Variants in PRKCB observed in about 807,000 individuals in gnomAD.
The protein encoded by PRKCB is protein kinase C beta, also known as protein kinase C beta type.
PRKCB carries 13 observed loss-of-function variants against 81.5 expected under a neutral mutation model. That is an observed-to-expected ratio of 0.16 (90% CI 0.10 to 0.25). The LOEUF (loss-of-function observed/expected upper bound fraction) is 0.25. Among genes scored for constraint, PRKCB ranks in the 10% least tolerant of loss-of-function variants. The probability of loss-of-function intolerance (pLI) is 1.00; values close to 1 mark genes in which losing one functional copy is unlikely to be tolerated. For synonymous variants in PRKCB, 335 were observed against 321.4 expected (o/e 1.04, Z -0.45); for missense variants, 509 against 875.7 (o/e 0.58, Z 5.29).
chr16:24,201,048 C>A (rs1243666072), intron 16 of PRKCB, among the ~76,000 whole-genome samples: 1 of 152,124 alleles, frequency 6.6e-6, no homozygotes, highest in East Asian at 1.9e-4. Flanking sequence ...TTACCACCTA[C>A]CGGCACCTCC....
chr16:24,007,995 G>T (rs1965149635), intron 3 of PRKCB, among the ~76,000 whole-genome samples: 1 of 137,114 alleles, frequency 7.3e-6, no homozygotes, highest in African/African-American at 2.9e-5. Flanking sequence ...GGATGTCTTG[G>T]TATTCTTTTT....
intron 2 of PRKCB, among the ~76,000 whole-genome samples, chr16:23,958,842 G>C (rs1272085431): frequency 6.6e-6 from 1 of 151,168 alleles, no homozygotes; most frequent in African/African-American, 2.4e-5. Context: ...CTAGTACCAG[G>C]ATCTAGAGGA....
chr16:24,093,889 C>A (rs903465478), intron 6 of PRKCB, among the ~76,000 whole-genome samples: 1 of 152,158 alleles, frequency 6.6e-6, no homozygotes, highest in Non-Finnish European at 1.5e-5. Flanking sequence ...TCCTGAATAT[C>A]CTGAACCCTA....
At chr16:24,006,747 C>G (rs2879908) in intron 3 of PRKCB, among the ~76,000 whole-genome samples, 8 of 148,808 alleles carry the variant, frequency 5.4e-5, no homozygotes, top group African/African-American at 7.5e-5. Flanking sequence ...ACTCTTGGGT[C>G]GGGCTTTTAA....
intron 8 of PRKCB, among the ~76,000 whole-genome samples, chr16:24,121,214 C>T (rs571849439): frequency 1.3e-5 from 2 of 152,342 alleles, no homozygotes; most frequent in African/African-American, 4.8e-5. Flanking sequence ...AGTTTATCTA[C>T]TTCAGCAACC....
At chr16:24,098,073 A>G (rs982988311) in intron 7 of PRKCB, among the ~76,000 whole-genome samples, 3 of 152,202 alleles carry the variant, frequency 2.0e-5, no homozygotes, top group African/African-American at 4.8e-5. Flanking sequence ...GGCCTGAAAC[A>G]GTTTTTCAGG....
chr16:23,883,748 C>T (rs747536978), intron 2 of PRKCB, among the ~76,000 whole-genome samples: 16 of 152,156 alleles, frequency 1.1e-4, no homozygotes, highest in Non-Finnish European at 2.2e-4. Flanking sequence ...AGCAAATGCA[C>T]AGCTGGGCAC....
At chr16:23,848,069 G>C (rs1962409017) in intron 2 of PRKCB, among the ~76,000 whole-genome samples, 1 of 152,174 alleles carries the variant, frequency 6.6e-6, no homozygotes. Context: ...ACGCAGTTGA[G>C]ATAGTGAGGA....
chr16:24,047,532 C>T (rs1965783512), intron 5 of PRKCB, among the ~76,000 whole-genome samples: 1 of 149,938 alleles, frequency 6.7e-6, no homozygotes, highest in East Asian at 1.9e-4. Context: ...CCCTGTCTCT[C>T]CTTCTAAAAA....
At chr16:23,964,078 G>T (rs1257963378) in intron 2 of PRKCB, among the ~76,000 whole-genome samples, 2 of 152,200 alleles carry the variant, frequency 1.3e-5, no homozygotes, top group African/African-American at 4.8e-5. Flanking sequence ...CAATAGGGTA[G>T]CCACTAGCCA....
chr16:23,979,992 A>G (rs1037215031), intron 2 of PRKCB, among the ~76,000 whole-genome samples: 1 of 152,198 alleles, frequency 6.6e-6, no homozygotes, highest in African/African-American at 2.4e-5. Flanking sequence ...GGCTGAGGCC[A>G]GAGGATCACT....
At chr16:23,964,742 C>G (rs941637751) in intron 2 of PRKCB, among the ~76,000 whole-genome samples, 2 of 150,666 alleles carry the variant, frequency 1.3e-5, no homozygotes, top group African/African-American at 4.9e-5. Flanking sequence ...GATCTCAGCT[C>G]ACTGCAGCCT....
At chr16:23,873,569 C>G (rs1456240420) in intron 2 of PRKCB, among the ~76,000 whole-genome samples, 1 of 152,162 alleles carries the variant, frequency 6.6e-6, no homozygotes, top group Non-Finnish European at 1.5e-5. Context: ...CAACCATGTG[C>G]TTTCTGGCCA....
chr16:23,901,040 G>T (rs1963464783), intron 2 of PRKCB, among the ~76,000 whole-genome samples: 1 of 151,988 alleles, frequency 6.6e-6, no homozygotes, highest in Admixed American at 6.5e-5. Flanking sequence ...ATCCTGAGCT[G>T]ATAGGGTCAC....
At chr16:23,953,120 A>G (rs1449705108) in intron 2 of PRKCB, among the ~76,000 whole-genome samples, 2 of 152,112 alleles carry the variant, frequency 1.3e-5, no homozygotes, top group East Asian at 1.9e-4. Context: ...ACGGAGACAC[A>G]GAGTGTTTGA....
chr16:23,859,621 T>C (rs2141089113), intron 2 of PRKCB, among the ~76,000 whole-genome samples: 1 of 152,094 alleles, frequency 6.6e-6, no homozygotes. Flanking sequence ...AGTTCTCAGT[T>C]GGGTTTTGAG....
chr16:24,064,125 T>G (rs911042291), intron 5 of PRKCB, among the ~76,000 whole-genome samples: 1 of 151,876 alleles, frequency 6.6e-6, no homozygotes, highest in Non-Finnish European at 1.5e-5. Context: ...TACCTGGCAG[T>G]TGGGGAGGAG....
At position 24,193,209 on chromosome 16, in the gene PRKCB, G is replaced by A. The variant is rs560373913; in HGVS notation, c.1863+1979G>A. 3.3e-5 allele frequency among the ~76,000 whole-genome samples: 5 copies of A among 151,988 alleles called. No homozygotes were observed. In the South Asian group the frequency reaches 8.3e-4, roughly 25 times the overall value. ...TATAATCTCAGCACTTTGGGAAGCC[G>A]AGGTGGGTGGATCACCTGAGCTCAG... On this transcript the variant is annotated intron_variant, in intron 16 of 16. Transcript: ENST00000643927.
intron 2 of PRKCB, among the ~76,000 whole-genome samples, chr16:23,847,628 GC>G (rs1962403369): frequency 6.6e-6 from 1 of 151,948 alleles, no homozygotes; most frequent in African/African-American, 2.4e-5. Flanking sequence ...TTTATTGGAT[GC>G]CTACCACATA....
Sources: gnomAD v4.1 joint callset for allele counts (sites outside exome capture counted in the v4.1 genomes callset) on GRCh38, gnomAD v4.1.1 for gene constraint, MANE v1.5 for transcripts, NCBI Gene and HGNC (gene_info 2026-07-23, HGNC 2026-07-21) for gene names.